The following ATP8A2 variants were observed in gnomAD, a reference collection of about 807,000 sequenced individuals.
ATP8A2 encodes phospholipid-transporting ATPase IB.
A neutral mutation model predicts 165.6 loss-of-function variants in ATP8A2; 100 were observed. The observed-to-expected ratio is 0.60, with a 90% CI of 0.51 to 0.71. The LOEUF (loss-of-function observed/expected upper bound fraction) is 0.71. Among genes scored for constraint, ATP8A2 ranks in the 30% least tolerant of loss-of-function variants. ATP8A2 has a pLI of 0.00. For synonymous variants in ATP8A2, 543 were observed against 548.8 expected (o/e 0.99, Z 0.15); for missense variants, 1,227 against 1,479.5 (o/e 0.83, Z 2.80).
chr13:25,642,235 G>A (rs1189997059), intron 24 of ATP8A2, among the ~76,000 whole-genome samples: 1 of 152,148 alleles, frequency 6.6e-6, no homozygotes, highest in African/African-American at 2.4e-5. Flanking sequence ...GGCAACAAAA[G>A]CCAAAATTGA....
chr13:25,840,499 C>T (rs899582934), intron 30 of ATP8A2, among the ~76,000 whole-genome samples: 1 of 152,206 alleles, frequency 6.6e-6, no homozygotes, highest in African/African-American at 2.4e-5. Context: ...CTGCCATTTT[C>T]TTATGCCACG....
At chr13:25,440,884 T>A (rs1272133562) in intron 1 of ATP8A2, among the ~76,000 whole-genome samples, 1 of 152,220 alleles carries the variant, frequency 6.6e-6, no homozygotes, top group East Asian at 1.9e-4. Flanking sequence ...TTTCAATATG[T>A]TGAGACCCTT....
At chr13:25,629,302 A>G (rs1466956554) in intron 24 of ATP8A2, among the ~76,000 whole-genome samples, 2 of 152,214 alleles carry the variant, frequency 1.3e-5, no homozygotes, top group Admixed American at 1.3e-4. Flanking sequence ...AGCAAATCAT[A>G]TCATTGAAAA....
chr13:25,732,043 T>C (rs1362040670), intron 25 of ATP8A2, among the ~76,000 whole-genome samples: 1 of 152,136 alleles, frequency 6.6e-6, no homozygotes, highest in African/African-American at 2.4e-5. Flanking sequence ...CTCTCCACAT[T>C]CTCTGTGCTG....
intron 1 of ATP8A2, among the ~76,000 whole-genome samples, chr13:25,468,393 T>G (rs2035729736): frequency 6.6e-6 from 1 of 152,100 alleles, no homozygotes; most frequent in South Asian, 2.1e-4. Flanking sequence ...GGGAGCGAGC[T>G]CTTCACCCTG....
chr13:25,973,593 A>C lies in ATP8A2; in HGVS notation c.3377+4914A>C, dbSNP rs139347625. Among the ~76,000 whole-genome samples, 834 of 152,314 alleles carry C rather than the reference A, an allele frequency of 5.5e-3. 5 individuals are homozygous for C. Among genetic ancestry groups the C allele is most frequent in the African/African-American group, 0.019 (790 of 41,572 alleles). ...TCGTATTAAAAAAATGAAACAACACAAACTCCCGAATGCATTCTGAGTGAG... is the reference window on the plus strand; with the variant it reads ...TCGTATTAAAAAAATGAAACAACACCAACTCCCGAATGCATTCTGAGTGAG... On this transcript the variant is annotated intron_variant, in intron 35 of 36. Coordinates refer to ENST00000381655, the MANE Select transcript of ATP8A2 (RefSeq NM_016529.6).
chr13:25,424,583 T>C (rs1297594744), intron 1 of ATP8A2, among the ~76,000 whole-genome samples: 1 of 152,196 alleles, frequency 6.6e-6, no homozygotes, highest in African/African-American at 2.4e-5. Flanking sequence ...CATTAAAATA[T>C]TTACAGGGTT....
intron 16 of ATP8A2, chr13:25,567,391 G>C (rs762000933): frequency 2.2e-5 from 10 of 456,552 alleles, no homozygotes; most frequent in Non-Finnish European, 4.4e-5. Flanking sequence ...AAATCCCACT[G>C]TTTATATAAG....
chr13:25,916,054 G>C (rs1171732444), intron 33 of ATP8A2, among the ~76,000 whole-genome samples: 1 of 152,174 alleles, frequency 6.6e-6, no homozygotes, highest in Admixed American at 6.5e-5. Context: ...CATGAAGCCA[G>C]TGCTATTTAT....
intron 27 of ATP8A2, among the ~76,000 whole-genome samples, chr13:25,795,433 A>T (rs1377201311): frequency 6.6e-6 from 1 of 152,226 alleles, no homozygotes; most frequent in Non-Finnish European, 1.5e-5. Context: ...ATGGCACTCA[A>T]TGACAGCTGA....
chr13:25,602,697 G>A (rs1429952431), intron 24 of ATP8A2, among the ~76,000 whole-genome samples: 1 of 152,216 alleles, frequency 6.6e-6, no homozygotes, highest in Admixed American at 6.5e-5. Flanking sequence ...CTGTAGCAGT[G>A]TAGAGCATTG....
At chr13:25,970,288 A>C (rs1340790535) in intron 35 of ATP8A2, among the ~76,000 whole-genome samples, 1 of 152,200 alleles carries the variant, frequency 6.6e-6, no homozygotes, top group Non-Finnish European at 1.5e-5. Context: ...GTGGTGTGAG[A>C]ATGTGCTTTA....
At chr13:25,703,225 G>A (rs2042987372) in intron 25 of ATP8A2, among the ~76,000 whole-genome samples, 1 of 151,862 alleles carries the variant, frequency 6.6e-6, no homozygotes, top group Non-Finnish European at 1.5e-5. Context: ...GACTACAGGC[G>A]CACACCACTA....
chr13:25,788,137 C>G (rs2045078477), intron 27 of ATP8A2, among the ~76,000 whole-genome samples: 1 of 152,202 alleles, frequency 6.6e-6, no homozygotes, highest in African/African-American at 2.4e-5. Flanking sequence ...GGCTGCACCT[C>G]CTGACCCATC....
At chr13:25,376,905 A>T (rs2032647745) in intron 1 of ATP8A2, among the ~76,000 whole-genome samples, 1 of 152,208 alleles carries the variant, frequency 6.6e-6, no homozygotes, top group African/African-American at 2.4e-5. Flanking sequence ...AGGAGCTCTG[A>T]TTCTGGACAG....
intron 17 of ATP8A2, 81 bp from the exon 18 acceptor site, chr13:25,571,529 T>A (rs2039467896): frequency 9.6e-7 from 1 of 1,040,080 alleles, no homozygotes; most frequent in Admixed American, 1.8e-5. Flanking sequence ...GAGCGGATTT[T>A]GTTAATTTGA....
At chr13:25,723,901 A>C (rs1207162556) in intron 25 of ATP8A2, among the ~76,000 whole-genome samples, 1 of 152,156 alleles carries the variant, frequency 6.6e-6, no homozygotes, top group Non-Finnish European at 1.5e-5. Flanking sequence ...GAGATAGGGG[A>C]AGCCAGGGAG....
At chr13:25,931,928 A>G (rs1195425765) in intron 33 of ATP8A2, among the ~76,000 whole-genome samples, 1 of 151,960 alleles carries the variant, frequency 6.6e-6, no homozygotes, top group Non-Finnish European at 1.5e-5. Flanking sequence ...GGTGCCTGTA[A>G]TCTCAGCTAC....
intron 2 of ATP8A2, among the ~76,000 whole-genome samples, chr13:25,474,951 C>G (rs1274175196): frequency 1.3e-5 from 2 of 152,004 alleles, no homozygotes; most frequent in East Asian, 1.9e-4. Context: ...TCCTGAGTAG[C>G]TAGGATTACA....
Sources: allele counts gnomAD v4.1 joint callset (sites outside exome capture counted in the v4.1 genomes callset), GRCh38; gene constraint gnomAD v4.1.1; transcripts MANE v1.5; gene names NCBI Gene and HGNC (gene_info 2026-07-23, HGNC 2026-07-21).